Variants in RNF115 observed in about 807,000 individuals in gnomAD.
The protein encoded by RNF115 is ring finger protein 115.
Under a neutral mutation model 39.2 loss-of-function variants are expected in RNF115, and 31 were observed. That is an observed-to-expected ratio of 0.79 (90% confidence interval 0.59 to 1.07). The LOEUF (loss-of-function observed/expected upper bound fraction) is 1.07, where lower values mean the gene tolerates loss of function less well. RNF115 is among the 50% of genes least tolerant of loss of function. The pLI is 0.00. For synonymous variants in RNF115, 124 were observed against 131.0 expected, an observed-to-expected ratio of 0.95 and a Z score of 0.37; for missense variants, 384 against 381.7, an observed-to-expected ratio of 1.01 and a Z score of -0.05.
chr1:145,767,166 A>T (rs1221258893), intron 4 of RNF115, among the ~76,000 whole-genome samples: 1 of 142,214 alleles, frequency 7.0e-6, no homozygotes, highest in African/African-American at 2.7e-5. Flanking sequence ...GGGGCTCCTC[A>T]CCTCCCGGAC....
At chr1:145,769,582 G>A (rs1647541934) in intron 4 of RNF115, among the ~76,000 whole-genome samples, 2 of 151,978 alleles carry the variant, frequency 1.3e-5, no homozygotes, top group Admixed American at 6.6e-5. Flanking sequence ...GGTCCAGATG[G>A]AATTACAGGT....
intron 2 of RNF115, among the ~76,000 whole-genome samples, chr1:145,786,632 A>T (rs1352568211): frequency 1.3e-5 from 2 of 152,246 alleles, no homozygotes; most frequent in Admixed American, 1.3e-4. Context: ...CTGTATTTGC[A>T]TAAAAGTACT....
At chr1:145,817,991 T>G (rs1222818110) in intron 1 of RNF115, among the ~76,000 whole-genome samples, 28 of 142,932 alleles carry the variant, frequency 2.0e-4, no homozygotes, top group African/African-American at 6.5e-4. Context: ...TTTTCTTTAT[T>G]AAGTCCACCA....
chr1:145,751,383 G>C lies in RNF115; in HGVS notation c.573+55C>G. 5.0e-6 allele frequency: 6 copies of C among 1,207,086 alleles called. No individual in the cohort carries two copies. In the South Asian group the frequency reaches 8.0e-5, roughly 16 times the overall value. 74.8% of individuals were successfully genotyped at this position (1,207,086 alleles called of 1,614,324 possible). ...GAAAGTAGCAGAAGGAAAGCAGGAAGCCTGTGGAACCATGAGACACACTGA... is the reference window on the plus strand; with the variant it reads ...GAAAGTAGCAGAAGGAAAGCAGGAACCCTGTGGAACCATGAGACACACTGA... On this transcript the variant is annotated intron_variant, in intron 6 of 8. Coordinates refer to ENST00000582693, the MANE Select transcript of RNF115 (RefSeq NM_014455.4).
At chr1:145,811,908 A>AAT (rs1165510589) in intron 1 of RNF115, among the ~76,000 whole-genome samples, 1,698 of 54,690 alleles carry the variant, frequency 0.031, 53 homozygotes, top group East Asian at 0.052. Context: ...AAAAAAAAAA[A>AAT]ATATATATAT....
Position 145,824,007 on chromosome 1 carries a change from G to C in RNF115, c.-134C>G, listed in dbSNP as rs1553725064. On this transcript the variant is annotated 5_prime_UTR_variant, in exon 1 of 9. Coordinates refer to ENST00000582693, the MANE Select transcript of RNF115 (RefSeq NM_014455.4). ...CCGCTTCAGAGCCCGCGTCGGTCAC[G>C]TGAGTTGGCCAGGCCCAGAAACGCG... is the stretch of plus-strand genomic sequence containing the variant. 21 of 617,458 alleles carry C rather than the reference G, an allele frequency of 3.4e-5. 1 individual carries two copies. Among genetic ancestry groups the C allele is most frequent in the Non-Finnish European group, 4.1e-5 (16 of 393,126 alleles). The allele number at this position is 617,458 out of a possible 1,614,324, so 38.2% of individuals were successfully genotyped here. A position where few individuals can be genotyped will look rare whatever the true frequency, so the allele number is the denominator to read the frequency against.
intron 4 of RNF115, among the ~76,000 whole-genome samples, chr1:145,771,110 C>T (rs1470126738): frequency 6.6e-6 from 1 of 152,166 alleles, no homozygotes; most frequent in Non-Finnish European, 1.5e-5. Context: ...GTGCCCTCCT[C>T]AAAAATTCAT....
intron 8 of RNF115, 49 bp from the exon 9 acceptor site, chr1:145,747,046 T>C (rs370026437): frequency 1.5e-5 from 24 of 1,570,356 alleles, no homozygotes; most frequent in Middle Eastern, 3.4e-4. Flanking sequence ...CCTGAGAAGC[T>C]GGGAGTATTG....
In RNF115 at chr1:145,771,691, C is replaced by T. The variant is rs367888154; in HGVS notation, c.428+20G>A. 3 of 1,602,222 alleles carry T rather than the reference C, an allele frequency of 1.9e-6. No individual in the cohort carries two copies. The African/African-American group carries it at 4.0e-5, about 22-fold the overall frequency. ...TTCATTGAAACTACCTTAAAAAGAA[C>T]TTAAAATAAAACAACTCACCCTTCA... is the stretch of plus-strand genomic sequence containing the variant. On this transcript the variant is annotated intron_variant, in intron 4 of 8. Transcript: ENST00000582693.
chr1:145,786,402 G>C (rs1553718099), intron 2 of RNF115, among the ~76,000 whole-genome samples: 1 of 152,136 alleles, frequency 6.6e-6, no homozygotes, highest in African/African-American at 2.4e-5. Context: ...CTGCCTCTAA[G>C]ACAAGGATTC....
chr1:145,788,716 AT>A, intron 2 of RNF115, 191 bp downstream of exon 2: 1 of 686,612 alleles, frequency 1.5e-6, no homozygotes. Flanking sequence ...AAATTTTCCC[AT>A]TTTTCTTTCT....
chr1:145,788,264 T>C (rs1260094143), intron 2 of RNF115, among the ~76,000 whole-genome samples: 5 of 152,146 alleles, frequency 3.3e-5, no homozygotes, highest in African/African-American at 1.2e-4. Flanking sequence ...GTGTTTTTAA[T>C]GGAGACGGGG....
At chr1:145,814,948 G>C (rs1649916784) in intron 1 of RNF115, among the ~76,000 whole-genome samples, 1 of 152,114 alleles carries the variant, frequency 6.6e-6, no homozygotes, top group South Asian at 2.1e-4. Flanking sequence ...TAATTACTGG[G>C]TGTTCAACTC....
chr1:145,782,030 G>T (rs1402784359), intron 3 of RNF115, among the ~76,000 whole-genome samples: 4 of 151,280 alleles, frequency 2.6e-5, no homozygotes, highest in Non-Finnish European at 4.4e-5. Flanking sequence ...AGCCTCCCAA[G>T]TAGCTGGAAT....
intron 3 of RNF115, among the ~76,000 whole-genome samples, chr1:145,778,816 C>A (rs1195401642): frequency 6.6e-6 from 1 of 152,174 alleles, no homozygotes; most frequent in African/African-American, 2.4e-5. Flanking sequence ...AAAGTCTAAT[C>A]TCTAGTGATT....
At chr1:145,747,708 C>T (rs1262329690) in intron 8 of RNF115, among the ~76,000 whole-genome samples, 2 of 152,128 alleles carry the variant, frequency 1.3e-5, no homozygotes, top group African/African-American at 4.8e-5. Context: ...ACAGCTGTTA[C>T]AACTAATCAA....
chr1:145,789,200 G>T (rs115465737), intron 1 of RNF115, among the ~76,000 whole-genome samples: 129,066 of 151,996 alleles, frequency 0.85, 55,194 homozygotes, highest in African/African-American at 0.95. Context: ...TCTCCCAGGC[G>T]CAAGAGATCC....
chr1:145,788,226 C>T (rs1457356386), intron 2 of RNF115, among the ~76,000 whole-genome samples: 3 of 151,898 alleles, frequency 2.0e-5, no homozygotes, highest in East Asian at 1.9e-4. Flanking sequence ...GAATTACAGG[C>T]GCCCGCCACT....
At chr1:145,757,711 C>T (rs1658353581) in intron 4 of RNF115, among the ~76,000 whole-genome samples, 1 of 152,162 alleles carries the variant, frequency 6.6e-6, no homozygotes, top group South Asian at 2.1e-4. Flanking sequence ...TGCTGTGAAC[C>T]AGCAACTTCT....
Sources: allele counts gnomAD v4.1 joint callset (sites outside exome capture counted in the v4.1 genomes callset), GRCh38; gene constraint gnomAD v4.1.1; transcripts MANE v1.5; gene names NCBI Gene and HGNC (gene_info 2026-07-23, HGNC 2026-07-21).